MRPS27: variants seen among roughly 807,000 people sequenced by gnomAD.
MRPS27 encodes small ribosomal subunit protein mS27.
Under a neutral mutation model 48.9 loss-of-function variants are expected in MRPS27, and 43 were observed. The observed-to-expected ratio is 0.88, with a 90% CI of 0.69 to 1.13. The LOEUF is 1.13. Ranked by LOEUF, MRPS27 falls within the 50% of genes most tolerant of loss-of-function variation. MRPS27 has a pLI of 0.00. For missense variants in MRPS27, 467 were observed against 476.3 expected (o/e 0.98, Z 0.18); for synonymous variants, 188 against 171.9 (o/e 1.09, Z -0.73).
chr5:72,227,964 C>G, intron 8 of MRPS27: 1 of 411,746 alleles, frequency 2.4e-6, no homozygotes, highest in African/African-American at 2.0e-5. Flanking sequence ...TAGCTAGTCT[C>G]CCTAAACAGG....
chr5:72,270,094 G>A (rs1355379576), intron 4 of MRPS27, among the ~76,000 whole-genome samples: 2 of 151,448 alleles, frequency 1.3e-5, no homozygotes, highest in African/African-American at 4.8e-5. Context: ...TCAGGAGGCT[G>A]AGGCGGGAGA....
rs115247309 is a variant in MRPS27, at chr5:72,237,741, G to A, written c.396+273C>T. Reference sequence around the variant, plus strand: ...GCAAGAAATCTAAGGCTTAGCAACCGAGAATGAAATGACCACCACTGCAGA... The same window carrying A: ...GCAAGAAATCTAAGGCTTAGCAACCAAGAATGAAATGACCACCACTGCAGA... On this transcript the variant is annotated intron_variant, in intron 5 of 10. Coordinates refer to ENST00000261413, the MANE Select transcript of MRPS27 (RefSeq NM_015084.3). Among the ~76,000 whole-genome samples the A allele has an allele frequency of 5.1e-3, 772 of 152,008 alleles. 2 individuals are homozygous for A. The highest frequency in any genetic ancestry group is 0.018 in the African/African-American group (741 of 41,472).
At chr5:72,255,325 A>G (rs1054603758) in intron 4 of MRPS27, among the ~76,000 whole-genome samples, 8 of 152,144 alleles carry the variant, frequency 5.3e-5, no homozygotes, top group African/African-American at 1.9e-4. Flanking sequence ...TGCTAGGATT[A>G]CAGGCCTGAG....
At chr5:72,238,590 TAGGAGA>T (rs1186352509) in intron 4 of MRPS27, among the ~76,000 whole-genome samples, 1 of 152,180 alleles carries the variant, frequency 6.6e-6, no homozygotes, top group Non-Finnish European at 1.5e-5. Context: ...CTGTGGCTCT[TAGGAGA>T]GACTGGGACA....
intron 4 of MRPS27, among the ~76,000 whole-genome samples, chr5:72,267,891 T>C (rs970434379): frequency 6.6e-6 from 1 of 152,022 alleles, no homozygotes; most frequent in Non-Finnish European, 1.5e-5. Context: ...TCAGGGAACT[T>C]ATGTGAATCA....
chr5:72,249,381 T>A (rs965936882), intron 4 of MRPS27, among the ~76,000 whole-genome samples: 5 of 152,150 alleles, frequency 3.3e-5, no homozygotes, highest in African/African-American at 1.2e-4. Flanking sequence ...TAGATTGGGA[T>A]GATCAAAAAC....
intron 6 of MRPS27, among the ~76,000 whole-genome samples, chr5:72,233,721 T>A (rs192078074): frequency 2.0e-5 from 3 of 152,096 alleles, no homozygotes; most frequent in African/African-American, 7.2e-5. Context: ...CCAGTAATAT[T>A]TTAAAAGAGC....
intron 4 of MRPS27, among the ~76,000 whole-genome samples, chr5:72,255,088 T>G (rs60364111): frequency 0.16 from 22,537 of 139,120 alleles, 4,880 homozygotes; most frequent in African/African-American, 0.51. Flanking sequence ...GCCCAGGCTG[T>G]AGTGCAGTGG....
At chr5:72,299,916 T>G (rs1750085030) in intron 2 of MRPS27, among the ~76,000 whole-genome samples, 1 of 152,250 alleles carries the variant, frequency 6.6e-6, no homozygotes, top group Admixed American at 6.5e-5. Flanking sequence ...TCTACCAGGT[T>G]ACTAGCATCT....
chr5:72,307,673 T>TAAA (rs58455541), intron 2 of MRPS27, among the ~76,000 whole-genome samples: 5 of 146,388 alleles, frequency 3.4e-5, no homozygotes, highest in African/African-American at 1.2e-4. Flanking sequence ...GTTAAAACAC[T>TAAA]AAAAAAAAAA....
chr5:72,293,770 A>G (rs578041052), intron 4 of MRPS27, among the ~76,000 whole-genome samples: 9 of 152,352 alleles, frequency 5.9e-5, no homozygotes, highest in African/African-American at 1.4e-4. Flanking sequence ...ACACTATGGC[A>G]CTGTATCTCA....
At chr5:72,234,469 G>A (rs1748149560) in intron 5 of MRPS27, among the ~76,000 whole-genome samples, 1 of 151,218 alleles carries the variant, frequency 6.6e-6, no homozygotes, top group Non-Finnish European at 1.5e-5. Context: ...CCTCATCATA[G>A]CTTAAAAAAA....
intron 1 of MRPS27, among the ~76,000 whole-genome samples, chr5:72,315,487 G>A (rs1183701159): frequency 9.9e-5 from 15 of 151,238 alleles, no homozygotes; most frequent in Non-Finnish European, 1.9e-4. Context: ...AGCCCGGGAG[G>A]CAGAGGTTGC....
Position 72,308,310 on chromosome 5 carries a change from G to A in MRPS27, c.151+5771C>T, listed in dbSNP as rs758055027. 7.9e-5 allele frequency among the ~76,000 whole-genome samples: 12 copies of A among 152,328 alleles called. No individual in the cohort carries two copies. The East Asian group carries it at 1.5e-3, about 20-fold the overall frequency. ...CGGCAGGGCACGGCTCAGGGGAGAC[G>A]GCGCTCTGGCACATGAAGCCCACAC... On this transcript the variant is annotated intron_variant, in intron 2 of 10. Coordinates refer to ENST00000261413, the MANE Select transcript of MRPS27 (RefSeq NM_015084.3).
intron 4 of MRPS27, among the ~76,000 whole-genome samples, chr5:72,283,291 A>T (rs28733660): frequency 6.6e-6 from 1 of 152,046 alleles, no homozygotes; most frequent in Non-Finnish European, 1.5e-5. Context: ...TTTTATGTTA[A>T]TTTTTTTCTA....
chr5:72,272,078 T>C (rs11749445), intron 4 of MRPS27, among the ~76,000 whole-genome samples: 39,912 of 151,920 alleles, frequency 0.26, 5,393 homozygotes, highest in East Asian at 0.42. Flanking sequence ...AACACTGGGA[T>C]TCCCCCCCCA....
intron 4 of MRPS27, among the ~76,000 whole-genome samples, chr5:72,263,125 T>G (rs183367898): frequency 2.7e-4 from 41 of 152,338 alleles, no homozygotes; most frequent in African/African-American, 8.7e-4. Flanking sequence ...TTGCAATGTC[T>G]AGTAAAACGA....
chr5:72,247,979 T>C (rs761254681), intron 4 of MRPS27, among the ~76,000 whole-genome samples: 2 of 152,352 alleles, frequency 1.3e-5, no homozygotes, highest in East Asian at 3.9e-4. Flanking sequence ...GTGAGTCCAA[T>C]TGGTTTTTAG....
intron 4 of MRPS27, among the ~76,000 whole-genome samples, chr5:72,267,085 C>T (rs886968134): frequency 1.3e-5 from 2 of 152,158 alleles, no homozygotes; most frequent in African/African-American, 4.8e-5. Flanking sequence ...GTGATTCCTA[C>T]ACAACTTTAT....
Sources: gnomAD v4.1 joint callset for allele counts (sites outside exome capture counted in the v4.1 genomes callset) on GRCh38, gnomAD v4.1.1 for gene constraint, MANE v1.5 for transcripts, NCBI Gene and HGNC (gene_info 2026-07-23, HGNC 2026-07-21) for gene names.